IREB2: variants seen among roughly 807,000 people sequenced by gnomAD.
The protein encoded by IREB2 is iron-responsive element-binding protein 2.
Under a neutral mutation model 118.8 loss-of-function variants are expected in IREB2, and 39 were observed. The observed-to-expected ratio is 0.33, with a 90% CI of 0.25 to 0.43. IREB2 has a LOEUF of 0.43. IREB2 is among the 20% of genes least tolerant of loss of function. The probability of loss-of-function intolerance (pLI) is 1.00; values close to 1 mark genes in which losing one functional copy is unlikely to be tolerated. For synonymous variants in IREB2, 372 were observed against 392.2 expected, an observed-to-expected ratio of 0.95 and a Z score of 0.61; for missense variants, 900 against 1,147.3, an observed-to-expected ratio of 0.78 and a Z score of 3.11.
At chr15:78,448,879 A>AT (rs2050975972) in intron 2 of IREB2, among the ~76,000 whole-genome samples, 1 of 152,166 alleles carries the variant, frequency 6.6e-6, no homozygotes, top group Non-Finnish European at 1.5e-5. Flanking sequence ...TTTCTCTGTT[A>AT]CATGTAGTTA....
rs1001135944 is a variant in IREB2, at chr15:78,498,394, G to T, written c.*251G>T. On this transcript the variant is annotated 3_prime_UTR_variant, in exon 22 of 22. Transcript: ENST00000258886. Reference sequence around the variant, plus strand: ...TGTTGTGGAAGAGACCTGTAAGTATGGGGGGGGGGCGATATTTTATCAGAC... The same window carrying T: ...TGTTGTGGAAGAGACCTGTAAGTATTGGGGGGGGGCGATATTTTATCAGAC... The T allele has an allele frequency of 3.6e-3, 23 of 6,452 alleles. No homozygotes were observed. In the East Asian group the frequency reaches 0.1, roughly 29 times the overall value. The allele number at this position is 6,452 out of a possible 1,614,324, so 0.4% of individuals were successfully genotyped here. A position where few individuals can be genotyped will look rare whatever the true frequency, so the allele number is the denominator to read the frequency against.
At chr15:78,495,872 G>A (rs183979453) in intron 20 of IREB2, among the ~76,000 whole-genome samples, 2,625 of 152,160 alleles carry the variant, frequency 0.017, 36 homozygotes, top group Non-Finnish European at 0.024. Context: ...CAATTTGGGG[G>A]AAAAAAGTCT....
chr15:78,463,704 A>T (rs1044273966), intron 3 of IREB2, among the ~76,000 whole-genome samples: 1 of 152,176 alleles, frequency 6.6e-6, no homozygotes, highest in African/African-American at 2.4e-5. Context: ...ATTTTGAGGT[A>T]GTCTCACTCT....
intron 2 of IREB2, among the ~76,000 whole-genome samples, chr15:78,454,543 A>C (rs1017188392): frequency 1.1e-4 from 16 of 152,200 alleles, no homozygotes; most frequent in African/African-American, 3.9e-4. Context: ...TAGGCATGAG[A>C]GATCTGTTGG....
At position 78,499,714 on chromosome 15, in the gene IREB2, A is replaced by G. The variant is rs917989902; in HGVS notation, c.*1571A>G. 6.6e-5 allele frequency: 10 copies of G among 152,310 alleles called. No individual in the cohort carries two copies. The highest frequency in any genetic ancestry group is 1.0e-4 in the Non-Finnish European group (7 of 68,030). The allele number at this position is 152,310 out of a possible 1,614,324, so 9.4% of individuals were successfully genotyped here. ...ATATTGTGTTCTTGATATATGCTGT[A>G]TATTTATTTGTTAGTGCATGTGTTT... On this transcript the variant is annotated 3_prime_UTR_variant, in exon 22 of 22. Transcript: ENST00000258886.
intron 5 of IREB2, among the ~76,000 whole-genome samples, chr15:78,468,662 A>G (rs971792929): frequency 7.9e-5 from 12 of 152,122 alleles, no homozygotes; most frequent in African/African-American, 2.9e-4. Context: ...GTACCAAATA[A>G]TACGTTAATT....
At chr15:78,437,538 T>C (rs1004589194), upstream of IREB2, 1 of 152,556 alleles carries the variant, frequency 6.6e-6, no homozygotes, top group African/African-American at 2.4e-5. Context: ...TGGAAGAGGA[T>C]AAGAAGTGGG....
intron 2 of IREB2, among the ~76,000 whole-genome samples, chr15:78,452,519 G>A (rs574621752): frequency 1.2e-4 from 19 of 152,226 alleles, no homozygotes; most frequent in African/African-American, 3.9e-4. Flanking sequence ...AAAAAAGTGA[G>A]TCTCAATATG....
intron 2 of IREB2, among the ~76,000 whole-genome samples, chr15:78,453,934 A>T (rs1261987552): frequency 6.6e-6 from 1 of 152,228 alleles, no homozygotes; most frequent in Non-Finnish European, 1.5e-5. Context: ...TTGATGTTTT[A>T]GGAATTTTTT....
Position 78,498,393 on chromosome 15 carries a change from T to TG in IREB2, c.*260dup, listed in dbSNP as rs3215140. On this transcript the variant is annotated 3_prime_UTR_variant, in exon 22 of 22. Transcript: ENST00000258886. ...GTGTTGTGGAAGAGACCTGTAAGTA[T>TG]GGGGGGGGGGCGATATTTTATCAGA... 7.6e-4 allele frequency: 147 copies of TG among 194,290 alleles called. No homozygotes were observed. Among genetic ancestry groups the TG allele is most frequent in the African/African-American group, 1.7e-3 (72 of 42,070 alleles). 12.0% of individuals were successfully genotyped at this position (194,290 alleles called of 1,614,324 possible).
At chr15:78,469,808 T>C (rs964947120) in intron 5 of IREB2, among the ~76,000 whole-genome samples, 7 of 152,212 alleles carry the variant, frequency 4.6e-5, no homozygotes, top group Non-Finnish European at 8.8e-5. Flanking sequence ...ATTTAAGTTA[T>C]ATTGATATTC....
At chr15:78,442,188 G>T (rs928291471) in intron 2 of IREB2, among the ~76,000 whole-genome samples, 8 of 152,080 alleles carry the variant, frequency 5.3e-5, no homozygotes, top group Non-Finnish European at 1.0e-4. Context: ...GAGCCACTGC[G>T]CCCAGCCCCT....
At chr15:78,457,142 A>C (rs1239806844) in intron 2 of IREB2, among the ~76,000 whole-genome samples, 1 of 151,936 alleles carries the variant, frequency 6.6e-6, no homozygotes, top group Non-Finnish European at 1.5e-5. Flanking sequence ...TTTGCTTAGT[A>C]CTCTATGTCC....
intron 10 of IREB2, among the ~76,000 whole-genome samples, chr15:78,479,650 G>A (rs1172397065): frequency 1.3e-5 from 2 of 151,852 alleles, no homozygotes; most frequent in South Asian, 2.1e-4. Flanking sequence ...AATCAGTTTC[G>A]ATGTTATCTG....
chr15:78,461,314 C>G (rs1182266758), intron 2 of IREB2, among the ~76,000 whole-genome samples: 1 of 152,072 alleles, frequency 6.6e-6, no homozygotes, highest in Non-Finnish European at 1.5e-5. Context: ...CACATAGAGA[C>G]CTATGGTTAA....
At chr15:78,463,895 A>T (rs73461586) in intron 3 of IREB2, among the ~76,000 whole-genome samples, 5,365 of 152,110 alleles carry the variant, frequency 0.035, 322 homozygotes, top group African/African-American at 0.12. Flanking sequence ...TTTCTTTCTA[A>T]GTCTTTTCTG....
At chr15:78,447,584 GC>G (rs1364770118) in intron 2 of IREB2, among the ~76,000 whole-genome samples, 2 of 152,010 alleles carry the variant, frequency 1.3e-5, no homozygotes, top group African/African-American at 4.8e-5. Flanking sequence ...ACCTGCCTCG[GC>G]CTCCCAAAGT....
At chr15:78,461,711 G>A (rs1333784835) in intron 2 of IREB2, among the ~76,000 whole-genome samples, 2 of 152,052 alleles carry the variant, frequency 1.3e-5, no homozygotes, top group South Asian at 2.1e-4. Context: ...AAATGCAAAC[G>A]CTCCTGTGAA....
rs75639061 is a variant in IREB2 at position 78,497,330 on chromosome 15, A to G, written c.2781+19A>G. 3.2e-3 allele frequency: 4,914 copies of G among 1,543,072 alleles called. 200 individuals carry two copies. The East Asian group carries it at 0.093, about 29-fold the overall frequency. On this transcript the variant is annotated intron_variant, in intron 21 of 21. Transcript: ENST00000258886. Reference sequence around the variant, plus strand: ...TATACAGGTATCTCTAAATTTTTCAAATATATGATTATGCACTCAAATGTT... The same window carrying G: ...TATACAGGTATCTCTAAATTTTTCAGATATATGATTATGCACTCAAATGTT...
Sources: gnomAD v4.1 joint callset for allele counts (sites outside exome capture counted in the v4.1 genomes callset) on GRCh38, gnomAD v4.1.1 for gene constraint, MANE v1.5 for transcripts, NCBI Gene and HGNC (gene_info 2026-07-23, HGNC 2026-07-21) for gene names.